The following TACC2 variants were observed in gnomAD, a reference collection of about 807,000 sequenced individuals.
TACC2 encodes the protein transforming acidic coiled-coil-containing protein 2.
In TACC2, 137 loss-of-function variants were observed where a neutral mutation model predicts 227.3. The observed-to-expected ratio is 0.60, with a 90% confidence interval of 0.52 to 0.69. The LOEUF is 0.69. TACC2 is among the 30% of genes least tolerant of loss of function. The pLI is 0.00. For synonymous variants in TACC2, 1,523 were observed against 1,487.5 expected (o/e 1.02, Z -0.55); for missense variants, 3,470 against 3,694.4 (o/e 0.94, Z 1.57).
At chr10:122,161,189 GCCACCC>G (rs961088385) in intron 7 of TACC2, among the ~76,000 whole-genome samples, 2 of 152,040 alleles carry the variant, frequency 1.3e-5, no homozygotes, top group African/African-American at 4.8e-5. Flanking sequence ...TCCCACCTCG[GCCACCC>G]CAAGTGCTGG....
At chr10:122,191,437 C>G (rs1364370242) in intron 7 of TACC2, among the ~76,000 whole-genome samples, 2 of 152,056 alleles carry the variant, frequency 1.3e-5, no homozygotes, top group Non-Finnish European at 2.9e-5. Flanking sequence ...TTTTGGCTTC[C>G]CTGGGCCACA....
chr10:122,191,118 AC>A (rs1329529177), intron 7 of TACC2, among the ~76,000 whole-genome samples: 3 of 147,492 alleles, frequency 2.0e-5, no homozygotes, highest in African/African-American at 7.5e-5. Context: ...GGCAGCCAGG[AC>A]CCTTTTTTTT....
intron 1 of TACC2, among the ~76,000 whole-genome samples, chr10:122,002,265 T>G (rs972878210): frequency 6.6e-6 from 1 of 152,230 alleles, no homozygotes; most frequent in African/African-American, 2.4e-5. Context: ...TCCAAATACC[T>G]TCACATTGGA....
intron 7 of TACC2, among the ~76,000 whole-genome samples, chr10:122,168,105 A>G (rs967531770): frequency 7.7e-6 from 1 of 129,604 alleles, no homozygotes; most frequent in Non-Finnish European, 1.6e-5. Context: ...GGGCCTTGCT[A>G]TGTGGCCCAG....
intron 16 of TACC2, among the ~76,000 whole-genome samples, chr10:122,233,950 G>A (rs987559224): frequency 3.9e-5 from 6 of 152,200 alleles, no homozygotes; most frequent in African/African-American, 1.4e-4. Context: ...CCACTCTCCT[G>A]CGCGGGTGGC....
At chr10:122,048,118 G>A (rs2075244148) in intron 2 of TACC2, among the ~76,000 whole-genome samples, 1 of 152,150 alleles carries the variant, frequency 6.6e-6, no homozygotes, top group African/African-American at 2.4e-5. Context: ...TGCAGACTAG[G>A]CAGATGATTT....
intron 3 of TACC2, among the ~76,000 whole-genome samples, chr10:122,079,980 T>C (rs1201802302): frequency 6.6e-6 from 1 of 152,204 alleles, no homozygotes; most frequent in Non-Finnish European, 1.5e-5. Context: ...TACCCACCTG[T>C]CTATGGTATT....
chr10:122,228,085 G>A, intron 14 of TACC2, 77 bp downstream of exon 14: 1 of 1,475,880 alleles, frequency 6.8e-7, no homozygotes, highest in South Asian at 1.3e-5. Flanking sequence ...AGAAGGCCAG[G>A]CCTTCAGAGC....
chr10:122,088,371 T>A, intron 4 of TACC2, 107 bp from the exon 5 acceptor site: 2 of 1,022,214 alleles, frequency 2.0e-6, no homozygotes, highest in Non-Finnish European at 1.4e-6. Context: ...TTTTTTGTAG[T>A]AGCCACTTAA....
At chr10:122,248,374 C>T (rs1178383306) in intron 19 of TACC2, 5 of 454,934 alleles carry the variant, frequency 1.1e-5, no homozygotes, top group East Asian at 3.9e-5. Context: ...GTGAAGGGGC[C>T]GTACTGATCA....
chr10:122,230,276 T>C (rs2095711275), intron 15 of TACC2, 75 bp from the exon 16 acceptor site: 1 of 1,306,494 alleles, frequency 7.7e-7, no homozygotes, highest in Non-Finnish European at 1.1e-6. Flanking sequence ...GGCACGTTCA[T>C]TTCTCGGATG....
chr10:122,012,418 C>CAAAAAAAAAAAAAAAAAAAAAAAAAA (rs752342348), intron 1 of TACC2, among the ~76,000 whole-genome samples: 3 of 60,724 alleles, frequency 4.9e-5, no homozygotes, highest in Non-Finnish European at 5.8e-5. Flanking sequence ...GACTCCGTCT[C>CAAAAAAAAAAAAAAAAAAAAAAAAAA]AAAAAAAAAA....
chr10:122,171,857 C>T (rs1299161638), intron 7 of TACC2, among the ~76,000 whole-genome samples: 1 of 152,198 alleles, frequency 6.6e-6, no homozygotes, highest in African/African-American at 2.4e-5. Flanking sequence ...CCAGGCCCTT[C>T]CATGAGTCTT....
chr10:122,230,491 G>A (rs377135445), intron 16 of TACC2, 51 bp downstream of exon 16: 6 of 1,535,368 alleles, frequency 3.9e-6, no homozygotes, highest in South Asian at 1.1e-5. Flanking sequence ...CATGTGTGCC[G>A]CTGGGGTCCA....
intron 11 of TACC2, among the ~76,000 whole-genome samples, chr10:122,220,883 G>T (rs866617722): frequency 6.6e-6 from 1 of 152,282 alleles, no homozygotes; most frequent in African/African-American, 2.4e-5. Context: ...ACAGAGGCTT[G>T]GAGCTGTTAG....
chr10:122,134,732 G>C (rs2138940809), intron 6 of TACC2, among the ~76,000 whole-genome samples: 1 of 152,318 alleles, frequency 6.6e-6, no homozygotes, highest in African/African-American at 2.4e-5. Context: ...GCCTGGAAGG[G>C]AGCCGAGATC....
At chr10:122,201,251 G>GAAA (rs2094830265) in intron 8 of TACC2, among the ~76,000 whole-genome samples, 3 of 147,624 alleles carry the variant, frequency 2.0e-5, no homozygotes, top group Admixed American at 6.8e-5. Context: ...ACAGTGAGAG[G>GAAA]ACGGCCACCT....
chr10:122,115,595 G>T (rs1460617853), intron 5 of TACC2, among the ~76,000 whole-genome samples: 1 of 152,208 alleles, frequency 6.6e-6, no homozygotes, highest in African/African-American at 2.4e-5. Flanking sequence ...GATGCTGCCA[G>T]GCTTTGAGGA....
intron 1 of TACC2, among the ~76,000 whole-genome samples, chr10:122,021,588 C>G (rs1957349182): frequency 6.6e-6 from 1 of 152,184 alleles, no homozygotes; most frequent in African/African-American, 2.4e-5. Context: ...AATAATCTGA[C>G]AAGCAGCATT....
Sources: gnomAD v4.1 joint callset for allele counts (sites outside exome capture counted in the v4.1 genomes callset) on GRCh38, gnomAD v4.1.1 for gene constraint, MANE v1.5 for transcripts, NCBI Gene and HGNC (gene_info 2026-07-23, HGNC 2026-07-21) for gene names.